Variants in CTNNB1 observed in about 807,000 individuals in gnomAD.
CTNNB1 encodes catenin beta-1.
CTNNB1 carries 6 observed loss-of-function variants against 82.5 expected under a neutral mutation model. The ratio of observed to expected loss-of-function variants is 0.07; its 90% CI spans 0.04 to 0.14. The LOEUF (loss-of-function observed/expected upper bound fraction) is 0.14, where lower values mean the gene tolerates loss of function less well. Ranked by LOEUF, CTNNB1 falls within the 10% of genes least tolerant of loss-of-function variation. The pLI is 1.00. For missense variants in CTNNB1, 529 were observed against 980.4 expected, an observed-to-expected ratio of 0.54 and a Z score of 6.15; for synonymous variants, 312 against 329.7, an observed-to-expected ratio of 0.95 and a Z score of 0.58.
Position 41,234,127 on chromosome 3 carries a change from T to C in CTNNB1, c.1525-12T>C. ...GTTGAGTTGTATGCCAGTTCTTCCT[T>C]CTGTTTTTCAGGCTACTGTTGGATT... On this transcript the variant is annotated splice_polypyrimidine_tract_variant and intron_variant, in intron 9 of 14. Coordinates refer to ENST00000349496, the MANE Select transcript of CTNNB1 (RefSeq NM_001904.4). The C allele has an allele frequency of 6.2e-7, 1 of 1,614,192 alleles. No homozygotes were observed. The highest frequency in any genetic ancestry group is 8.5e-7 in the Non-Finnish European group (1 of 1,180,026).
chr3:41,227,154 A>C, intron 6 of CTNNB1, 54 bp from the exon 7 acceptor site: 1 of 1,458,784 alleles, frequency 6.9e-7, no homozygotes, highest in Non-Finnish European at 9.6e-7. Context: ...GGCTCTTCTC[A>C]GACATGTGAT....
At position 41,236,578 on chromosome 3, in the gene CTNNB1, TG is replaced by T. The variant is rs2078440357; in HGVS notation, c.1955-9del. 2.5e-6 allele frequency: 4 copies of T among 1,614,218 alleles called. No homozygotes were observed. The East Asian group carries it at 8.9e-5, about 36-fold the overall frequency. On this transcript the variant is annotated splice_polypyrimidine_tract_variant and intron_variant, in intron 12 of 14. Coordinates refer to ENST00000349496, the MANE Select transcript of CTNNB1 (RefSeq NM_001904.4). ...TTTTCCTCAAGGGCCTTTTTCTCCT[TG>T]TCTCTTAGCGACATATGCAGCTGCT...
chr3:41,214,105 TTTC>T (rs1416524115), intron 1 of CTNNB1, among the ~76,000 whole-genome samples: 2 of 152,212 alleles, frequency 1.3e-5, no homozygotes, highest in African/African-American at 2.4e-5. Context: ...GTCAGGGTTT[TTTC>T]TTCTTTAACT....
At chr3:41,230,788 C>A (rs1344042109) in intron 7 of CTNNB1, among the ~76,000 whole-genome samples, 1 of 152,138 alleles carries the variant, frequency 6.6e-6, no homozygotes, top group Admixed American at 6.5e-5. Flanking sequence ...AAAGGAACAC[C>A]ATGTGCTATG....
At chr3:41,234,062 AT>A in intron 9 of CTNNB1, 76 bp from the exon 10 acceptor site, 1 of 1,585,780 alleles carries the variant, frequency 6.3e-7, no homozygotes, top group Non-Finnish European at 8.7e-7. Flanking sequence ...ATACCAATAG[AT>A]TTAGTGTGGT....
chr3:41,239,025 C>G lies in CTNNB1; in HGVS notation c.2138-109C>G, dbSNP rs531543287. 3.2e-5 allele frequency: 30 copies of G among 926,978 alleles called. 1 individual carries two copies. In the African/African-American group the frequency reaches 4.0e-4, roughly 12 times the overall value. 57.4% of individuals were successfully genotyped at this position (926,978 alleles called of 1,614,324 possible). ...AAAGCGTTGTTTTCTGACAAGTTTGCTGCTGAACTTTGGATGCCCTAACCT... is the reference window on the plus strand; with the variant it reads ...AAAGCGTTGTTTTCTGACAAGTTTGGTGCTGAACTTTGGATGCCCTAACCT... On this transcript the variant is annotated intron_variant, in intron 14 of 14. Transcript: ENST00000349496.
In CTNNB1 at chr3:41,240,188, A is replaced by AT. The variant is rs2125656499; in HGVS notation, c.*847dup. 4.9e-6 allele frequency: 1 copy of AT among 202,488 alleles called. No homozygotes were observed. Among genetic ancestry groups the AT allele is most frequent in the Admixed American group, 6.0e-5 (1 of 16,678 alleles). The allele number at this position is 202,488 out of a possible 1,614,324, so 12.5% of individuals were successfully genotyped here. ...TAGCCTTTTTGTATAAAATAGACAA[A>AT]TAGAAAATGGTCCAATTAGTTTCCT... On this transcript the variant is annotated 3_prime_UTR_variant, in exon 15 of 15. Transcript: ENST00000349496.
At chr3:41,224,775 G>C (rs1315364109) in intron 3 of CTNNB1, 22 bp downstream of exon 3, 1 of 1,606,634 alleles carries the variant, frequency 6.2e-7, no homozygotes, top group East Asian at 2.2e-5. Context: ...ATTTTTCATT[G>C]CCTTACTGAA....
chr3:41,208,881 ATT>A (rs1160686747), intron 1 of CTNNB1, among the ~76,000 whole-genome samples: 2 of 151,956 alleles, frequency 1.3e-5, no homozygotes, highest in African/African-American at 4.8e-5. Context: ...TACAAAAAAA[ATT>A]TTTTCTCCGT....
intron 1 of CTNNB1, 107 bp from the exon 2 acceptor site, chr3:41,223,914 G>T: frequency 1.2e-6 from 1 of 807,452 alleles, no homozygotes; most frequent in Non-Finnish European, 2.1e-6. Flanking sequence ...GAGGATATGG[G>T]TTTTTTTTGT....
rs1313669893 is a variant in CTNNB1 at position 41,233,594 on chromosome 3, C to G, written c.1251C>G (p.Val417=). The G allele has an allele frequency of 6.2e-7, 1 of 1,614,128 alleles. No individual in the cohort carries two copies. The highest frequency in any genetic ancestry group is 1.7e-5 in the Admixed American group (1 of 60,014). ...TGGGTTCAGATGATATAAATGTGGT[C>G]ACCTGTGCAGCTGGAATTCTTTCTA... ...QLLGSDDINV[V]TCAAGILSNL... Residue 417 remains valine (V), a synonymous_variant, in exon 9 of 15, where the codon GTC becomes GTG. Transcript: ENST00000349496.
At chr3:41,201,860 C>T (rs77380400) in intron 1 of CTNNB1, among the ~76,000 whole-genome samples, 2 of 151,918 alleles carry the variant, frequency 1.3e-5, no homozygotes, top group South Asian at 4.2e-4. Context: ...TCAGACTGAG[C>T]TTACTGTTCC....
intron 1 of CTNNB1, among the ~76,000 whole-genome samples, chr3:41,207,130 C>G (rs2077666974): frequency 1.3e-5 from 2 of 151,824 alleles, no homozygotes; most frequent in Admixed American, 6.6e-5. Context: ...GGTCCTGATT[C>G]AGAGTGTCAG....
At chr3:41,228,930 A>G (rs2078239358) in intron 7 of CTNNB1, among the ~76,000 whole-genome samples, 1 of 152,138 alleles carries the variant, frequency 6.6e-6, no homozygotes, top group African/African-American at 2.4e-5. Context: ...TGCAGTTTCA[A>G]TCTTGGATGT....
intron 1 of CTNNB1, among the ~76,000 whole-genome samples, chr3:41,201,862 T>TA (rs1389534313): frequency 1.3e-5 from 2 of 152,242 alleles, no homozygotes; most frequent in Admixed American, 6.5e-5. Context: ...AGACTGAGCT[T>TA]ACTGTTCCTG....
intron 1 of CTNNB1, chr3:41,200,406 A>C (rs1296447114): frequency 1.3e-5 from 2 of 152,118 alleles, no homozygotes; most frequent in Admixed American, 6.5e-5. Flanking sequence ...TGGATAATGT[A>C]CTGGGAGTCT....
In CTNNB1 at chr3:41,240,151, G is replaced by A. The variant is rs1020671424; in HGVS notation, c.*809G>A. 14 of 206,978 alleles carry A rather than the reference G, an allele frequency of 6.8e-5. No homozygotes were observed. The highest frequency in any genetic ancestry group is 2.5e-4 in the African/African-American group (11 of 43,888). The allele number at this position is 206,978 out of a possible 1,614,324, so 12.8% of individuals were successfully genotyped here. A position where few individuals can be genotyped will look rare whatever the true frequency, so the allele number is the denominator to read the frequency against. ...TAATTAATTGTAATCTGAATAAAGT[G>A]TAACAATTGTGTAGCCTTTTTGTAT... On this transcript the variant is annotated 3_prime_UTR_variant, in exon 15 of 15. Transcript: ENST00000349496.
intron 9 of CTNNB1, 57 bp downstream of exon 9, chr3:41,233,924 A>G (rs770296207): frequency 1.9e-4 from 306 of 1,570,818 alleles, no homozygotes; most frequent in Non-Finnish European, 2.6e-4. Flanking sequence ...AAGCATCTCT[A>G]GCTGTTGGAT....
chr3:41,239,078 T>C (rs2125652661), intron 14 of CTNNB1, 56 bp from the exon 15 acceptor site: 2 of 1,422,180 alleles, frequency 1.4e-6, no homozygotes, highest in Non-Finnish European at 2.0e-6. Context: ...TCTGCTTCTC[T>C]CCTCTCTCTT....
Sources: gnomAD v4.1 joint callset for allele counts (sites outside exome capture counted in the v4.1 genomes callset) on GRCh38, gnomAD v4.1.1 for gene constraint, MANE v1.5 for transcripts, NCBI Gene and HGNC (gene_info 2026-07-23, HGNC 2026-07-21) for gene names.